Variants in NDUFS2 observed in about 807,000 individuals in gnomAD.
The protein encoded by NDUFS2 is NADH dehydrogenase [ubiquinone] iron-sulfur protein 2, mitochondrial.
Under a neutral mutation model 69.6 loss-of-function variants are expected in NDUFS2, and 38 were observed. That is an observed-to-expected ratio of 0.55 (90% CI 0.42 to 0.72). The LOEUF is 0.72. Among genes scored for constraint, NDUFS2 ranks in the 30% least tolerant of loss-of-function variants. The pLI is 0.00. For synonymous variants in NDUFS2, 194 were observed against 211.2 expected, an observed-to-expected ratio of 0.92 and a Z score of 0.70; for missense variants, 468 against 595.0, an observed-to-expected ratio of 0.79 and a Z score of 2.22.
chr1:161,198,000 C>A (rs968430144), upstream of NDUFS2: 1 of 1,557,240 alleles, frequency 6.4e-7, no homozygotes, highest in Non-Finnish European at 8.7e-7. Flanking sequence ...CCTACCTTGG[C>A]TCTTCGGGGT....
At chr1:161,212,263 C>A in intron 9 of NDUFS2, 88 bp from the exon 10 acceptor site, 1 of 1,551,458 alleles carries the variant, frequency 6.4e-7, no homozygotes. Flanking sequence ...TTGACCTAAC[C>A]CTTTTGAGGT....
chr1:161,213,359 C>T (rs1368879928), intron 10 of NDUFS2, 21 bp from the exon 11 acceptor site: 4 of 1,541,016 alleles, frequency 2.6e-6, no homozygotes, highest in Non-Finnish European at 3.6e-6. Context: ...TTTATTGATG[C>T]TCCCTGTTTC....
intron 2 of NDUFS2, among the ~76,000 whole-genome samples, chr1:161,204,024 G>T (rs1335180567): frequency 6.6e-6 from 1 of 152,210 alleles, no homozygotes; most frequent in Non-Finnish European, 1.5e-5. Context: ...TATTTGTGAA[G>T]TAGAGAAGGA....
At chr1:161,203,142 T>TA (rs1665246479) in intron 1 of NDUFS2, among the ~76,000 whole-genome samples, 1 of 151,806 alleles carries the variant, frequency 6.6e-6, no homozygotes, top group Non-Finnish European at 1.5e-5. Flanking sequence ...CCCCCGTCTT[T>TA]AAAAAAATAC....
At chr1:161,210,771 C>T in intron 9 of NDUFS2, 61 bp downstream of exon 9, 2 of 1,611,394 alleles carry the variant, frequency 1.2e-6, no homozygotes, top group East Asian at 2.2e-5. Context: ...TCACTCTTCT[C>T]TTTGCCACTT....
chr1:161,209,114 C>G (rs927384695), intron 3 of NDUFS2, 79 bp from the exon 4 acceptor site: 4 of 1,605,262 alleles, frequency 2.5e-6, no homozygotes, highest in Non-Finnish European at 3.4e-6. Context: ...CTGGTGCCGA[C>G]TGAGAGCAAG....
rs1425544012 is a variant in NDUFS2 at position 161,210,102 on chromosome 1, G to C, written c.703-9G>C. Reference sequence around the variant, plus strand: ...GCCACATTCAGTAGCACTTCCGTTTGGCTTCTAGGACCTACCCCTTGGGCT... The same window carrying C: ...GCCACATTCAGTAGCACTTCCGTTTCGCTTCTAGGACCTACCCCTTGGGCT... On this transcript the variant is annotated splice_polypyrimidine_tract_variant and intron_variant, in intron 6 of 13. Coordinates refer to ENST00000676972, the MANE Select transcript of NDUFS2 (RefSeq NM_001377299.1). 6.2e-7 allele frequency: 1 copy of C among 1,613,852 alleles called. No homozygotes were observed. The highest frequency in any genetic ancestry group is 2.2e-5 in the East Asian group (1 of 44,876).
upstream of NDUFS2, chr1:161,198,324 C>T: frequency 1.2e-6 from 2 of 1,613,396 alleles, no homozygotes; most frequent in Non-Finnish European, 1.7e-6. The surrounding 1 kb of genome is among the most constrained non-coding windows in gnomAD (Gnocchi z 4.7). Context: ...TCGACCTGCA[C>T]ACCGGAGTCC....
At chr1:161,203,032 C>T (rs963690441) in intron 1 of NDUFS2, among the ~76,000 whole-genome samples, 1 of 152,040 alleles carries the variant, frequency 6.6e-6, no homozygotes, top group African/African-American at 2.4e-5. Flanking sequence ...ATTGGCTGGG[C>T]GCGGTGGCTC....
chr1:161,198,377 C>T (rs150301048), upstream of NDUFS2: 117 of 1,612,580 alleles, frequency 7.3e-5, no homozygotes, highest in Admixed American at 6.3e-4. This position sits in a 1 kb window ranked among gnomAD's most constrained non-coding sequence, Gnocchi z 4.7. Flanking sequence ...GGCCTGCAAG[C>T]GGCACAACAG....
chr1:161,209,636 C>A, intron 5 of NDUFS2, 41 bp downstream of exon 5: 2 of 1,503,090 alleles, frequency 1.3e-6, no homozygotes, highest in Non-Finnish European at 1.8e-6. Flanking sequence ...GAAGGAAGTG[C>A]AGGAAGTAGA....
chr1:161,199,290 C>G (rs1456484985), upstream of NDUFS2: 2 of 152,402 alleles, frequency 1.3e-5, no homozygotes, highest in Admixed American at 1.3e-4. Context: ...CCTCAGCTGT[C>G]TCTTTCCCTT....
chr1:161,214,348 AAG>A lies in NDUFS2; in HGVS notation c.*156_*157del, dbSNP rs1292722318. On this transcript the variant is annotated 3_prime_UTR_variant, in exon 14 of 14. Coordinates refer to ENST00000676972, the MANE Select transcript of NDUFS2 (RefSeq NM_001377299.1). ...CAGGCTTTCTGTGCATGTACTAAAA[AAG>A]GAGAAATTATAATAAATTAGCCGTC... The A allele has an allele frequency of 1.3e-6, 1 of 771,680 alleles. No homozygotes were observed. Among genetic ancestry groups the A allele is most frequent in the Non-Finnish European group, 2.2e-6 (1 of 457,026 alleles). 47.8% of individuals were successfully genotyped at this position (771,680 alleles called of 1,614,324 possible). A position where few individuals can be genotyped will look rare whatever the true frequency, so the allele number is the denominator to read the frequency against.
upstream of NDUFS2, chr1:161,201,901 T>A (rs564427761): frequency 5.3e-6 from 1 of 187,206 alleles, no homozygotes; most frequent in Non-Finnish European, 1.2e-5. Context: ...GGAAATTAGC[T>A]GGCTTTCCCA....
upstream of NDUFS2, chr1:161,198,775 T>C (rs1664984318): frequency 7.1e-6 from 5 of 707,748 alleles, no homozygotes; most frequent in Non-Finnish European, 6.6e-6. This position sits in a 1 kb window ranked among gnomAD's most constrained non-coding sequence, Gnocchi z 4.7. Context: ...CTGAGGACCG[T>C]TAAAGGAAAT....
chr1:161,205,717 G>A (rs1426803234), intron 2 of NDUFS2, among the ~76,000 whole-genome samples: 1 of 151,208 alleles, frequency 6.6e-6, no homozygotes, highest in African/African-American at 2.4e-5. Context: ...GCAGTGAGCC[G>A]AGATGGTGCT....
chr1:161,209,563 C>T lies in NDUFS2; in HGVS notation c.595C>T (p.Pro199Ser), dbSNP rs753554884. 89 of 1,612,980 alleles carry T rather than the reference C, an allele frequency of 5.5e-5. No individual in the cohort carries two copies. Among genetic ancestry groups the T allele is most frequent in the Non-Finnish European group, 7.1e-5 (84 of 1,179,982 alleles). Reference protein sequence around the residue: ...THALDLGAMTPFFWLFEEREK... With the variant: ...THALDLGAMTSFFWLFEEREK... ...TGCCCTGGACCTTGGGGCCATGACC[C>T]CTTTCTTCTGGCTGTTTGAAGAAAG... Residue 199 changes from proline (P) to serine (S), a missense_variant, in exon 5 of 14, where the codon CCT becomes TCT. Coordinates refer to ENST00000676972, the MANE Select transcript of NDUFS2 (RefSeq NM_001377299.1).
At chr1:161,203,908 G>C in intron 2 of NDUFS2, 1 of 346,308 alleles carries the variant, frequency 2.9e-6, no homozygotes, top group Non-Finnish European at 5.7e-6. Flanking sequence ...GCCTCCAGCT[G>C]ATTTCTAAGT....
chr1:161,209,845 C>T lies in NDUFS2; in HGVS notation c.628-12C>T, dbSNP rs202121443. ...GGGACTTTGACACTAATTCCCAGCA[C>T]GTTCTATGAAGATGTTTGAGTTCTA... On this transcript the variant is annotated splice_polypyrimidine_tract_variant and intron_variant, in intron 5 of 13. Transcript: ENST00000676972. 1,433 of 1,613,340 alleles carry T rather than the reference C, an allele frequency of 8.9e-4. 1 individual carries two copies. Among genetic ancestry groups the T allele is most frequent in the Non-Finnish European group, 1.1e-3 (1,336 of 1,179,694 alleles).
Sources: allele counts gnomAD v4.1 joint callset (sites outside exome capture counted in the v4.1 genomes callset), GRCh38; gene constraint gnomAD v4.1.1; non-coding constraint Gnocchi (gnomAD v3.1); transcripts MANE v1.5; gene names NCBI Gene and HGNC (gene_info 2026-07-23, HGNC 2026-07-21).